Variants in RTKN2 observed in about 807,000 individuals in gnomAD.
RTKN2 encodes rhotekin-2.
RTKN2 carries 69 observed loss-of-function variants against 71.5 expected under a neutral mutation model. The ratio of observed to expected loss-of-function variants is 0.96; its 90% CI spans 0.79 to 1.18. The LOEUF (loss-of-function observed/expected upper bound fraction) is 1.18, where lower values mean the gene tolerates loss of function less well. RTKN2 is among the 50% of genes most tolerant of loss of function. RTKN2 has a pLI of 0.00. For synonymous variants in RTKN2, 236 were observed against 236.5 expected (o/e 1.00, Z 0.02); for missense variants, 724 against 719.7 (o/e 1.01, Z -0.07).
intron 2 of RTKN2, among the ~76,000 whole-genome samples, chr10:62,258,680 T>A (rs537878650): frequency 6.6e-6 from 1 of 152,342 alleles, no homozygotes; most frequent in Non-Finnish European, 1.5e-5. Flanking sequence ...ATTTTTTTAA[T>A]TCCAGAATTC....
chr10:62,232,965 C>T (rs1842181181), intron 6 of RTKN2, among the ~76,000 whole-genome samples: 1 of 152,066 alleles, frequency 6.6e-6, no homozygotes, highest in African/African-American at 2.4e-5. Context: ...TAATAAATTA[C>T]AGAAATTAAA....
chr10:62,219,340 A>G (rs761501576), intron 7 of RTKN2, among the ~76,000 whole-genome samples: 5 of 152,222 alleles, frequency 3.3e-5, no homozygotes, highest in South Asian at 4.1e-4. Flanking sequence ...GGAGCCTGAC[A>G]TCGAACATTA....
rs150069202 is a variant in RTKN2, at chr10:62,224,571, C to A, written c.687-1239G>T. ...GGTAAACAAGATCCAGCATTACATT[C>A]TGATGCAGGCAGAATGAAAAAAAAA... On this transcript the variant is annotated intron_variant, in intron 6 of 11. Coordinates refer to ENST00000373789, the MANE Select transcript of RTKN2 (RefSeq NM_145307.4). 4.3e-4 allele frequency among the ~76,000 whole-genome samples: 65 copies of A among 151,848 alleles called. 1 individual carries two copies. The East Asian group carries it at 4.5e-3, about 10-fold the overall frequency.
Position 62,217,219 on chromosome 10 carries a change from T to C in RTKN2, c.919A>G (p.Arg307Gly). Residue 307 changes from arginine to glycine, a missense_variant, in exon 9 of 12, where the codon AGG becomes GGG. Coordinates refer to ENST00000373789, the MANE Select transcript of RTKN2 (RefSeq NM_145307.4). ...CCTCCTCGCAAAACACAATACAACCTTCTCCAACTAATCAGACCTTCTACC... is the reference window on the plus strand; with the variant it reads ...CCTCCTCGCAAAACACAATACAACCCTCTCCAACTAATCAGACCTTCTACC... Reference protein sequence around the residue: ...QMVEGLISWRRLYCVLRGGKL... With the variant: ...QMVEGLISWRGLYCVLRGGKL... 6.3e-7 allele frequency: 1 copy of C among 1,589,612 alleles called. No individual in the cohort carries two copies. The highest frequency in any genetic ancestry group is 1.2e-5 in the South Asian group (1 of 85,762).
At chr10:62,230,316 C>T (rs200003838) in intron 6 of RTKN2, among the ~76,000 whole-genome samples, 33 of 152,040 alleles carry the variant, frequency 2.2e-4, no homozygotes, top group East Asian at 5.8e-4. Context: ...GGATTACAGG[C>T]GCTCACCACC....
chr10:62,213,992 G>A (rs1841715896), intron 9 of RTKN2, among the ~76,000 whole-genome samples: 1 of 151,820 alleles, frequency 6.6e-6, no homozygotes, highest in Admixed American at 6.6e-5. Flanking sequence ...TAAGAGGGAA[G>A]TTTTCAGGTG....
chr10:62,188,532 G>T (rs997233148), downstream of RTKN2, among the ~76,000 whole-genome samples: 1 of 152,062 alleles, frequency 6.6e-6, no homozygotes, highest in Non-Finnish European at 1.5e-5. Context: ...GTTCGTGAAC[G>T]TATTCTAAAT....
intron 2 of RTKN2, among the ~76,000 whole-genome samples, chr10:62,252,394 T>C (rs74361119): frequency 0.022 from 3,364 of 152,122 alleles, 102 homozygotes; most frequent in African/African-American, 0.077. Context: ...ACCTTAAACA[T>C]GCAAGAAAGT....
At chr10:62,218,388 A>C (rs377293825) in intron 7 of RTKN2, 87 bp from the exon 8 acceptor site, 2 of 930,424 alleles carry the variant, frequency 2.1e-6, no homozygotes, top group East Asian at 5.3e-5. Flanking sequence ...TTCTCTTTTT[A>C]CAATTTTGTT....
chr10:62,219,227 T>C lies in RTKN2; in HGVS notation c.782-926A>G, dbSNP rs189953598. Among the ~76,000 whole-genome samples, 543 of 121,722 alleles carry C rather than the reference T, an allele frequency of 4.5e-3. 2 individuals carry two copies. Among genetic ancestry groups the C allele is most frequent in the Middle Eastern group, 0.028 (7 of 252 alleles). 79.9% of individuals were successfully genotyped at this position (121,722 alleles called of 152,430 possible). On this transcript the variant is annotated intron_variant, in intron 7 of 11. Coordinates refer to ENST00000373789, the MANE Select transcript of RTKN2 (RefSeq NM_145307.4). ...AGTAGCAGGGGCTGCCTGCAGGAGGTATCAGCACCTGAAGGGCCTGAGAGG... is the reference window on the plus strand; with the variant it reads ...AGTAGCAGGGGCTGCCTGCAGGAGGCATCAGCACCTGAAGGGCCTGAGAGG...
intron 8 of RTKN2, among the ~76,000 whole-genome samples, chr10:62,184,668 A>C (rs1841106583): frequency 6.6e-6 from 1 of 152,206 alleles, no homozygotes; most frequent in Non-Finnish European, 1.5e-5. Context: ...CTACAGAAAG[A>C]GGTTGAAGTA....
At chr10:62,220,571 G>A (rs1326916826) in intron 7 of RTKN2, among the ~76,000 whole-genome samples, 2 of 152,072 alleles carry the variant, frequency 1.3e-5, no homozygotes, top group Non-Finnish European at 2.9e-5. Context: ...TAAGAAACAC[G>A]AAGGATACAA....
chr10:62,222,821 C>T (rs1188081668), intron 7 of RTKN2, among the ~76,000 whole-genome samples: 1 of 152,160 alleles, frequency 6.6e-6, no homozygotes, highest in East Asian at 1.9e-4. Flanking sequence ...AAGGTAAACT[C>T]TAAATACCAC....
chr10:62,264,836 ATTT>A (rs11357727), intron 1 of RTKN2, among the ~76,000 whole-genome samples: 14 of 146,250 alleles, frequency 9.6e-5, no homozygotes, highest in African/African-American at 7.5e-5. Flanking sequence ...GGGCTTGAGC[ATTT>A]TTTTTTTTTT....
chr10:62,193,262 C>T lies in RTKN2; in HGVS notation c.*4646G>A, dbSNP rs1386687966. ...TGACATAATTATGTATATACAAGATCTTTTCAATCTACCTCTCCTTTAGTA... is the reference window on the plus strand; with the variant it reads ...TGACATAATTATGTATATACAAGATTTTTTCAATCTACCTCTCCTTTAGTA... On this transcript the variant is annotated 3_prime_UTR_variant, in exon 12 of 12. Transcript: ENST00000373789. 4.1e-6 allele frequency: 4 copies of T among 964,312 alleles called. No homozygotes were observed. In the African/African-American group the frequency reaches 7.1e-5, roughly 17 times the overall value. The allele number at this position is 964,312 out of a possible 1,614,324, so 59.7% of individuals were successfully genotyped here.
At chr10:62,231,606 C>G (rs1488765255) in intron 6 of RTKN2, among the ~76,000 whole-genome samples, 1 of 151,988 alleles carries the variant, frequency 6.6e-6, no homozygotes, top group African/African-American at 2.4e-5. Context: ...ATTTTGAGTT[C>G]CCAAAAGTTT....
rs371876751 is a variant in RTKN2 at position 62,262,869 on chromosome 10, A to G, written c.61-48T>C. ...AAATATAGCAAAAACCCAAAATTAC[A>G]TCTTAACCCATAATAGATCGAAAAT... On this transcript the variant is annotated intron_variant, in intron 1 of 11. Transcript: ENST00000373789. 1.3e-5 allele frequency: 16 copies of G among 1,265,220 alleles called. 1 individual carries two copies. The Admixed American group carries it at 2.3e-4, about 18-fold the overall frequency. The allele number at this position is 1,265,220 out of a possible 1,614,324, so 78.4% of individuals were successfully genotyped here.
In RTKN2 at chr10:62,197,675, T is replaced by C; in HGVS notation, c.*233A>G. On this transcript the variant is annotated 3_prime_UTR_variant, in exon 12 of 12. Transcript: ENST00000373789. Reference sequence around the variant, plus strand: ...TTAACCCTTCCAACAATTAGGATATTGTCTAGAAACTGCCTCTTGCACACT... The same window carrying C: ...TTAACCCTTCCAACAATTAGGATATCGTCTAGAAACTGCCTCTTGCACACT... The C allele has an allele frequency of 7.6e-7, 1 of 1,319,004 alleles. No individual in the cohort carries two copies. The highest frequency in any genetic ancestry group is 9.6e-7 in the Non-Finnish European group (1 of 1,037,826). 81.7% of individuals were successfully genotyped at this position (1,319,004 alleles called of 1,614,324 possible).
At chr10:62,231,653 T>C (rs552443048) in intron 6 of RTKN2, among the ~76,000 whole-genome samples, 1 of 152,212 alleles carries the variant, frequency 6.6e-6, no homozygotes, top group African/African-American at 2.4e-5. Context: ...AATAGGGCAA[T>C]TGTTACAACA....
Sources: allele counts gnomAD v4.1 joint callset (sites outside exome capture counted in the v4.1 genomes callset), GRCh38; gene constraint gnomAD v4.1.1; transcripts MANE v1.5; gene names NCBI Gene and HGNC (gene_info 2026-07-23, HGNC 2026-07-21).